The following SNX8 variants were observed in gnomAD, a reference collection of about 807,000 sequenced individuals.
SNX8 encodes the protein sorting nexin-8.
Under a neutral mutation model 51.6 loss-of-function variants are expected in SNX8, and 25 were observed. The ratio of observed to expected loss-of-function variants is 0.48; its 90% CI spans 0.35 to 0.68. The LOEUF (loss-of-function observed/expected upper bound fraction) is 0.68. SNX8 is among the 30% of genes least tolerant of loss of function. SNX8 has a pLI of 0.00. For missense variants in SNX8, 695 were observed against 624.0 expected, an observed-to-expected ratio of 1.11 and a Z score of -1.21; for synonymous variants, 324 against 277.0, an observed-to-expected ratio of 1.17 and a Z score of -1.68.
intron 1 of SNX8, among the ~76,000 whole-genome samples, chr7:2,334,216 A>C (rs368644192): frequency 4.6e-4 from 70 of 152,250 alleles, no homozygotes; most frequent in Middle Eastern, 3.4e-3. Context: ...ATCTTGGCTA[A>C]CACGGTGAAA....
At chr7:2,292,475 G>A (rs7804497) in intron 1 of SNX8, among the ~76,000 whole-genome samples, 2,987 of 150,510 alleles carry the variant, frequency 0.02, 115 homozygotes, top group African/African-American at 0.069. Flanking sequence ...GCAGTGGCGC[G>A]ATCTCGGCTC....
chr7:2,256,523 C>T (rs1051823287), intron 10 of SNX8, among the ~76,000 whole-genome samples: 10 of 152,252 alleles, frequency 6.6e-5, no homozygotes, highest in African/African-American at 2.4e-4. Flanking sequence ...TCTGGAAGAA[C>T]AGCCACCTGC....
intron 1 of SNX8, among the ~76,000 whole-genome samples, chr7:2,285,148 G>C (rs9690444): frequency 0.38 from 56,384 of 148,246 alleles, 11,166 homozygotes; most frequent in East Asian, 0.64. Context: ...GGAGGCAGAA[G>C]TTGCAGTGAG....
At chr7:2,336,095 T>A in intron 1 of SNX8, among the ~76,000 whole-genome samples, 1 of 125,964 alleles carries the variant, frequency 7.9e-6, no homozygotes, top group Non-Finnish European at 1.6e-5. Context: ...AGTGTGAAAC[T>A]CCATCTCGAG....
intron 1 of SNX8, among the ~76,000 whole-genome samples, chr7:2,310,103 C>A (rs527367008): frequency 1.5e-4 from 23 of 152,270 alleles, no homozygotes; most frequent in African/African-American, 5.5e-4. Flanking sequence ...ACGGCAGAGC[C>A]AGGATACGCC....
At chr7:2,270,940 GA>G (rs567667314) in intron 4 of SNX8, among the ~76,000 whole-genome samples, 260 of 152,336 alleles carry the variant, frequency 1.7e-3, no homozygotes, top group Non-Finnish European at 2.4e-3. Context: ...CCCGCACAGG[GA>G]GAGGGTCCTG....
chr7:2,348,381 C>T (rs1322004036), intron 1 of SNX8, among the ~76,000 whole-genome samples: 1 of 149,496 alleles, frequency 6.7e-6, no homozygotes, highest in Non-Finnish European at 1.5e-5. Flanking sequence ...CGCTCTGTCG[C>T]CCAGGCTGGA....
intron 1 of SNX8, among the ~76,000 whole-genome samples, chr7:2,296,310 C>T (rs1796271885): frequency 6.6e-6 from 1 of 151,824 alleles, no homozygotes. Flanking sequence ...TAACTATATT[C>T]CTAGGGTGTT....
At chr7:2,336,856 A>C (rs551618532) in intron 1 of SNX8, among the ~76,000 whole-genome samples, 62 of 151,132 alleles carry the variant, frequency 4.1e-4, no homozygotes, top group South Asian at 8.4e-4. Context: ...AAAAAACAAA[A>C]AAATGAGCTG....
chr7:2,281,261 C>T (rs1795899774), intron 1 of SNX8, among the ~76,000 whole-genome samples: 1 of 151,850 alleles, frequency 6.6e-6, no homozygotes, highest in South Asian at 2.1e-4. Flanking sequence ...GCCATCTCTA[C>T]AAAAAATAAA....
At chr7:2,284,482 A>G (rs1380768503) in intron 1 of SNX8, among the ~76,000 whole-genome samples, 11 of 141,210 alleles carry the variant, frequency 7.8e-5, no homozygotes, top group Admixed American at 7.7e-4. Flanking sequence ...GTTCACTGCA[A>G]TCTCCGCCTC....
intron 1 of SNX8, among the ~76,000 whole-genome samples, chr7:2,296,408 T>A (rs1336548039): frequency 6.6e-6 from 1 of 152,028 alleles, no homozygotes; most frequent in African/African-American, 2.4e-5. Flanking sequence ...AGCATGCTAC[T>A]GATTTGTGTA....
At chr7:2,291,699 CA>C (rs1796155714) in intron 1 of SNX8, among the ~76,000 whole-genome samples, 1 of 152,194 alleles carries the variant, frequency 6.6e-6, no homozygotes, top group Non-Finnish European at 1.5e-5. Flanking sequence ...CTCCAGGCTC[CA>C]AGCTCAGTTC....
At chr7:2,262,947 A>G (rs141001983) in intron 7 of SNX8, among the ~76,000 whole-genome samples, 59 of 152,296 alleles carry the variant, frequency 3.9e-4, no homozygotes, top group African/African-American at 1.3e-3. Context: ...GTGAAACCTC[A>G]TCTCTACTAA....
intron 1 of SNX8, among the ~76,000 whole-genome samples, chr7:2,344,476 G>C (rs1044789002): frequency 1.3e-5 from 2 of 151,850 alleles, no homozygotes; most frequent in Admixed American, 1.3e-4. Flanking sequence ...GCCGGGCGTG[G>C]TGGTGGGTGC....
chr7:2,254,369 G>C lies in SNX8; in HGVS notation c.*687C>G. The C allele has an allele frequency of 6.5e-6, 1 of 154,674 alleles. No homozygotes were observed. The highest frequency in any genetic ancestry group is 3.1e-3 in the Middle Eastern group (1 of 322). 9.6% of individuals were successfully genotyped at this position (154,674 alleles called of 1,614,324 possible). On this transcript the variant is annotated 3_prime_UTR_variant, in exon 11 of 11. Coordinates refer to ENST00000222990, the MANE Select transcript of SNX8 (RefSeq NM_013321.4). ...ACAGCTGCTGTAGCGCCCACTCTCA[G>C]AGCCCCAGCTCTCCGTCACGCCTTT...
rs201796126 is a variant in SNX8 at position 2,256,934 on chromosome 7, C to G, written c.1224G>C (p.Leu408=). ...CGCGGAGGATGTGGGAGGTGAGGGG[C>G]AGGTAGACGTGGATGAGCTGCGTCT... ...HQETQLIHVY[L]PLTSHILRAF... Residue 408 remains leucine (L), a synonymous_variant, in exon 10 of 11, where the codon CTG becomes CTC. Coordinates refer to ENST00000222990, the MANE Select transcript of SNX8 (RefSeq NM_013321.4). 9 of 1,613,558 alleles carry G rather than the reference C, an allele frequency of 5.6e-6. No homozygotes were observed. Among genetic ancestry groups the G allele is most frequent in the Non-Finnish European group, 8.5e-7 (1 of 1,179,882 alleles).
intron 1 of SNX8, among the ~76,000 whole-genome samples, chr7:2,348,933 A>G (rs1168093456): frequency 1.4e-5 from 2 of 143,114 alleles, no homozygotes; most frequent in Non-Finnish European, 3.0e-5. Flanking sequence ...CCTGGGCAAC[A>G]CAGTGAGACT....
At chr7:2,304,050 C>G (rs981439146) in intron 1 of SNX8, among the ~76,000 whole-genome samples, 3 of 150,578 alleles carry the variant, frequency 2.0e-5, no homozygotes, top group Non-Finnish European at 4.4e-5. Context: ...GCCTGTAGTC[C>G]CAGCTACTCG....
Sources: allele counts gnomAD v4.1 joint callset (sites outside exome capture counted in the v4.1 genomes callset), GRCh38; gene constraint gnomAD v4.1.1; transcripts MANE v1.5; gene names NCBI Gene and HGNC (gene_info 2026-07-23, HGNC 2026-07-21).